Variants in DOCK1 observed in about 807,000 individuals in gnomAD.
DOCK1 encodes dedicator of cytokinesis 1.
Under a neutral mutation model 262.7 loss-of-function variants are expected in DOCK1, and 138 were observed. That is an observed-to-expected ratio of 0.53 (90% confidence interval 0.46 to 0.61). The LOEUF (loss-of-function observed/expected upper bound fraction) is 0.61, where lower values mean the gene tolerates loss of function less well. Among genes scored for constraint, DOCK1 ranks in the 20% least tolerant of loss-of-function variants. DOCK1 has a pLI of 0.00. For missense variants in DOCK1, 1,908 were observed against 2,370.7 expected, an observed-to-expected ratio of 0.80 and a Z score of 4.05; for synonymous variants, 866 against 867.4, an observed-to-expected ratio of 1.00 and a Z score of 0.03.
intron 29 of DOCK1, among the ~76,000 whole-genome samples, chr10:127,325,935 T>C (rs1419888013): frequency 6.6e-6 from 1 of 152,162 alleles, no homozygotes; most frequent in Non-Finnish European, 1.5e-5. Flanking sequence ...TCACACAGAT[T>C]TTTTGGTTTC....
At chr10:127,371,392 A>T (rs577679879) in intron 33 of DOCK1, among the ~76,000 whole-genome samples, 2 of 152,352 alleles carry the variant, frequency 1.3e-5, no homozygotes, top group African/African-American at 2.4e-5. Context: ...CATTAAGTTC[A>T]TCAGTCAGAA....
rs10829471 is a variant in DOCK1 at position 127,138,970 on chromosome 10, C to T, written c.2847+11206C>T. On this transcript the variant is annotated intron_variant, in intron 27 of 51. Coordinates refer to ENST00000623213, the MANE Select transcript of DOCK1 (RefSeq NM_001290223.2). ...GACCCCCGGTCCATGCATCGTTTTT[C>T]TGTGATGATCTCTGCATTGAGGAGT... 6.6e-3 allele frequency among the ~76,000 whole-genome samples: 1,001 copies of T among 152,294 alleles called. 4 individuals are homozygous for T. Among genetic ancestry groups the T allele is most frequent in the Admixed American group, 0.012 (177 of 15,304 alleles).
chr10:127,043,263 C>G, intron 21 of DOCK1, 99 bp downstream of exon 21: 1 of 917,318 alleles, frequency 1.1e-6, no homozygotes, highest in South Asian at 1.6e-5. Flanking sequence ...TGTGTATTTA[C>G]TCCTGCTCAA....
At chr10:127,243,115 C>A (rs974093473) in intron 27 of DOCK1, among the ~76,000 whole-genome samples, 3 of 152,150 alleles carry the variant, frequency 2.0e-5, no homozygotes, top group Non-Finnish European at 4.4e-5. Flanking sequence ...GATGAAATTA[C>A]CAGGAGCAAT....
At chr10:127,259,443 TCAG>T (rs1441318433) in intron 29 of DOCK1, among the ~76,000 whole-genome samples, 2 of 152,116 alleles carry the variant, frequency 1.3e-5, no homozygotes, top group African/African-American at 4.8e-5. Context: ...AGCAAACACA[TCAG>T]CAACAATAAT....
intron 29 of DOCK1, among the ~76,000 whole-genome samples, chr10:127,262,945 G>A (rs142637123): frequency 6.8e-4 from 103 of 152,262 alleles, no homozygotes; most frequent in Non-Finnish European, 1.3e-3. Context: ...AGAGCTGGGC[G>A]GTGTTAGTGC....
chr10:127,029,489 C>G (rs142413965), intron 16 of DOCK1, among the ~76,000 whole-genome samples: 1 of 152,202 alleles, frequency 6.6e-6, no homozygotes, highest in African/African-American at 2.4e-5. Flanking sequence ...TGCACCAGAC[C>G]GTGTGGTCCA....
chr10:127,190,663 CT>C (rs797021509), intron 27 of DOCK1, among the ~76,000 whole-genome samples: 34 of 14,240 alleles, frequency 2.4e-3, no homozygotes, highest in South Asian at 0.013. Flanking sequence ...GAAATCCTAT[CT>C]TCCCCCCCCC....
intron 1 of DOCK1, among the ~76,000 whole-genome samples, chr10:126,931,969 T>C (rs2034222880): frequency 6.6e-6 from 1 of 152,118 alleles, no homozygotes; most frequent in South Asian, 2.1e-4. Flanking sequence ...AGAAAGGCAT[T>C]AAGTCTTTTG....
intron 42 of DOCK1, among the ~76,000 whole-genome samples, chr10:127,409,856 G>A (rs2067740845): frequency 6.6e-6 from 1 of 152,150 alleles, no homozygotes; most frequent in African/African-American, 2.4e-5. Flanking sequence ...GAACCCTTCA[G>A]CCTTACAGCA....
At chr10:127,397,906 G>T (rs2067006219) in intron 38 of DOCK1, among the ~76,000 whole-genome samples, 3 of 152,270 alleles carry the variant, frequency 2.0e-5, no homozygotes, top group African/African-American at 4.8e-5. Context: ...TATGACATGG[G>T]TCATGGCTCC....
At position 127,195,703 on chromosome 10, in the gene DOCK1, G is replaced by A. The variant is rs549505883; in HGVS notation, c.2848-52305G>A. ...GTCTGTCTGGAACCCACATCGCAGA[G>A]GCGCAGCCCCGCTCCTCCCTGACGT... is the stretch of plus-strand genomic sequence containing the variant. On this transcript the variant is annotated intron_variant, in intron 27 of 51. Coordinates refer to ENST00000623213, the MANE Select transcript of DOCK1 (RefSeq NM_001290223.2). Among the ~76,000 whole-genome samples, 10 of 152,190 alleles carry A rather than the reference G, an allele frequency of 6.6e-5. No homozygotes were observed. The East Asian group carries it at 1.9e-3, about 30-fold the overall frequency.
At chr10:127,217,255 T>C (rs188281417) in intron 27 of DOCK1, among the ~76,000 whole-genome samples, 1 of 152,354 alleles carries the variant, frequency 6.6e-6, no homozygotes, top group Non-Finnish European at 1.5e-5. Context: ...AACAGGTTTT[T>C]TAATTGGATT....
At position 127,012,225 on chromosome 10, in the gene DOCK1, C is replaced by A; in HGVS notation, c.1059-7C>A. On this transcript the variant is annotated splice_polypyrimidine_tract_variant and splice_region_variant and intron_variant, in intron 11 of 51. Transcript: ENST00000623213. The surrounding 1 kb of genome is among the most constrained non-coding windows in gnomAD (Gnocchi z 4.0). ...TCCTGTGGTCTTGGTCGTCCCGTGCCCTCCAGGCTCGCGTTGGACGACGCC... is the reference window on the plus strand; with the variant it reads ...TCCTGTGGTCTTGGTCGTCCCGTGCACTCCAGGCTCGCGTTGGACGACGCC... 2.6e-6 allele frequency: 4 copies of A among 1,519,808 alleles called. No individual in the cohort carries two copies. The highest frequency in any genetic ancestry group is 3.7e-6 in the Non-Finnish European group (4 of 1,094,352). The allele number at this position is 1,519,808 out of a possible 1,614,324, so 94.1% of individuals were successfully genotyped here. A position where few individuals can be genotyped will look rare whatever the true frequency, so the allele number is the denominator to read the frequency against.
intron 28 of DOCK1, among the ~76,000 whole-genome samples, chr10:127,252,863 G>A (rs541577529): frequency 4.6e-5 from 7 of 152,078 alleles, no homozygotes; most frequent in South Asian, 2.1e-4. Context: ...TTGATTTGGC[G>A]ATGCGGGCTC....
chr10:127,438,468 T>C (rs2069846341), intron 48 of DOCK1, among the ~76,000 whole-genome samples: 1 of 152,168 alleles, frequency 6.6e-6, no homozygotes, highest in African/African-American at 2.4e-5. Flanking sequence ...ATGCAGGTCT[T>C]CTGTCTCCAG....
chr10:127,290,573 C>T (rs1409630665), intron 29 of DOCK1, among the ~76,000 whole-genome samples: 2 of 152,104 alleles, frequency 1.3e-5, no homozygotes, highest in Non-Finnish European at 2.9e-5. Context: ...ATAGGTCAAG[C>T]CTCTTTTCTC....
At chr10:127,156,549 TC>T (rs1564849297) in intron 27 of DOCK1, among the ~76,000 whole-genome samples, 20 of 93,140 alleles carry the variant, frequency 2.1e-4, no homozygotes, top group African/African-American at 7.1e-4. Context: ...TTCTTCTTCT[TC>T]TTCTTCTTCT....
chr10:127,140,619 CGGTTGAGTTTGACACACCAAGTCTCTG>C (rs2051140110), intron 27 of DOCK1, among the ~76,000 whole-genome samples: 2 of 48,244 alleles, frequency 4.1e-5, no homozygotes, highest in Admixed American at 2.5e-4. Flanking sequence ...CCAAGTCTCT[CGGTTGAGTTTGACACACCAAGTCTCTG>C]GGTTGAGTTT....
Sources: allele counts gnomAD v4.1 joint callset (sites outside exome capture counted in the v4.1 genomes callset), GRCh38; gene constraint gnomAD v4.1.1; non-coding constraint Gnocchi (gnomAD v3.1); transcripts MANE v1.5; gene names NCBI Gene and HGNC (gene_info 2026-07-23, HGNC 2026-07-21).